TSPEAR: variants seen among roughly 807,000 people sequenced by gnomAD.
The protein encoded by TSPEAR is thrombospondin type laminin G domain and EAR repeats, also known as thrombospondin-type laminin G domain and EAR repeat-containing protein.
Under a neutral mutation model 71.6 loss-of-function variants are expected in TSPEAR, and 69 were observed. The ratio of observed to expected loss-of-function variants is 0.96; its 90% CI spans 0.79 to 1.18. The LOEUF is 1.18. Among genes scored for constraint, TSPEAR ranks in the 50% most tolerant of loss-of-function variants. TSPEAR has a pLI of 0.00. For synonymous variants in TSPEAR, 402 were observed against 387.2 expected, an observed-to-expected ratio of 1.04 and a Z score of -0.45; for missense variants, 971 against 894.9, an observed-to-expected ratio of 1.09 and a Z score of -1.09.
intron 9 of TSPEAR, among the ~76,000 whole-genome samples, chr21:44,511,704 C>G (rs1195836883): frequency 2.0e-5 from 3 of 152,270 alleles, no homozygotes; most frequent in Non-Finnish European, 4.4e-5. Flanking sequence ...AGTGGAGCCC[C>G]TGCTTCTTAG....
intron 1 of TSPEAR, among the ~76,000 whole-genome samples, chr21:44,637,139 C>G (rs587635469): frequency 6.6e-6 from 1 of 152,264 alleles, no homozygotes; most frequent in East Asian, 1.9e-4. Flanking sequence ...CTGGTGTTCC[C>G]GGGAGACAGG....
chr21:44,637,424 G>A (rs782818929), intron 1 of TSPEAR: 9 of 1,603,704 alleles, frequency 5.6e-6, no homozygotes, highest in Middle Eastern at 1.8e-4. Context: ...CAGCATGGCC[G>A]CCTCCACCAT....
At chr21:44,531,904 G>A (rs1601374111) in intron 3 of TSPEAR, among the ~76,000 whole-genome samples, 1 of 152,258 alleles carries the variant, frequency 6.6e-6, no homozygotes, top group East Asian at 1.9e-4. Context: ...CTGGGCGGAA[G>A]AGCAGGGGTG....
chr21:44,606,748 G>A (rs1455977842), intron 1 of TSPEAR, among the ~76,000 whole-genome samples: 1 of 152,210 alleles, frequency 6.6e-6, no homozygotes, highest in Admixed American at 6.5e-5. Flanking sequence ...AGGACATTAT[G>A]CTAAGCGAAA....
intron 1 of TSPEAR, among the ~76,000 whole-genome samples, chr21:44,674,170 C>T (rs587741633): frequency 2.6e-4 from 39 of 150,048 alleles, no homozygotes; most frequent in Non-Finnish European, 4.7e-4. Context: ...TGATGCACCT[C>T]AAGGAACTAG....
At position 44,612,983 on chromosome 21, in the gene TSPEAR, G is replaced by A. The variant is rs1206572648; in HGVS notation, c.83-44978C>T. 5 of 1,515,528 alleles carry A rather than the reference G, an allele frequency of 3.3e-6. No homozygotes were observed. The highest frequency in any genetic ancestry group is 4.5e-6 in the Non-Finnish European group (5 of 1,121,734). The allele number at this position is 1,515,528 out of a possible 1,614,324, so 93.9% of individuals were successfully genotyped here. On this transcript the variant is annotated intron_variant, in intron 1 of 11. Coordinates refer to ENST00000323084, the MANE Select transcript of TSPEAR (RefSeq NM_144991.3). The surrounding 1 kb of genome is among the most constrained non-coding windows in gnomAD (Gnocchi z 4.1). Reference sequence around the variant, plus strand: ...TTAAGTGGCTGCCCCTACCTGGGATGGGGTCTCCATGTCTCCCCTGTGCTG... The same window carrying A: ...TTAAGTGGCTGCCCCTACCTGGGATAGGGTCTCCATGTCTCCCCTGTGCTG...
At chr21:44,662,329 A>G (rs1160573685) in intron 1 of TSPEAR, among the ~76,000 whole-genome samples, 2 of 152,190 alleles carry the variant, frequency 1.3e-5, no homozygotes, top group African/African-American at 4.8e-5. Flanking sequence ...AATCAAGTAA[A>G]ATTGGAATGG....
At chr21:44,705,183 G>C (rs2146335865) in intron 1 of TSPEAR, among the ~76,000 whole-genome samples, 1 of 152,182 alleles carries the variant, frequency 6.6e-6, no homozygotes, top group East Asian at 1.9e-4. Context: ...AAATTGTAAA[G>C]ATTTCATAGA....
chr21:44,695,388 G>A lies in TSPEAR; in HGVS notation c.82+16045C>T, dbSNP rs1408250414. On this transcript the variant is annotated intron_variant, in intron 1 of 11. Transcript: ENST00000323084. The surrounding 1 kb of genome is among the most constrained non-coding windows in gnomAD (Gnocchi z 4.5). Reference sequence around the variant, plus strand: ...ACCTTCTACTGAGAGGTCGGGGGTCGGGTCATGACACACAGCAGGAAATGA... The same window carrying A: ...ACCTTCTACTGAGAGGTCGGGGGTCAGGTCATGACACACAGCAGGAAATGA... Among the ~76,000 whole-genome samples, 5 of 152,034 alleles carry A rather than the reference G, an allele frequency of 3.3e-5. No individual in the cohort carries two copies. The highest frequency in any genetic ancestry group is 1.9e-4 in the East Asian group (1 of 5,188).
chr21:44,612,737 T>A lies in TSPEAR; in HGVS notation c.83-44732A>T. 1 of 1,613,754 alleles carries A rather than the reference T, an allele frequency of 6.2e-7. No individual in the cohort carries two copies. On this transcript the variant is annotated intron_variant, in intron 1 of 11. Transcript: ENST00000323084. This position sits in a 1 kb window ranked among gnomAD's most constrained non-coding sequence, Gnocchi z 4.1. Reference sequence around the variant, plus strand: ...ACCCTCCTCCTCCGTGTCCCTCCTCTGCCGCCCTGTGTGCCGGCCTGCCTG... The same window carrying A: ...ACCCTCCTCCTCCGTGTCCCTCCTCAGCCGCCCTGTGTGCCGGCCTGCCTG...
chr21:44,635,010 A>C (rs1289980155), intron 1 of TSPEAR, among the ~76,000 whole-genome samples: 1 of 152,192 alleles, frequency 6.6e-6, no homozygotes, highest in Non-Finnish European at 1.5e-5. Flanking sequence ...GTATATACCC[A>C]ACAGAATTAA....
At chr21:44,601,852 T>G (rs1419741370) in intron 1 of TSPEAR, 3 of 1,378,546 alleles carry the variant, frequency 2.2e-6, no homozygotes, top group Non-Finnish European at 2.9e-6. Flanking sequence ...ACGTCAGTGG[T>G]CAGCTGGCCA....
intron 1 of TSPEAR, chr21:44,579,979 G>C (rs781883363): frequency 1.9e-6 from 3 of 1,613,438 alleles, no homozygotes; most frequent in Non-Finnish European, 2.5e-6. Flanking sequence ...TAGACTGCTG[G>C]CAGCATGAAG....
At chr21:44,522,229 C>G in intron 8 of TSPEAR, 117 bp from the exon 9 acceptor site, 4 of 875,678 alleles carry the variant, frequency 4.6e-6, no homozygotes, top group Non-Finnish European at 7.4e-6. Context: ...CCCACGAGGA[C>G]AAGGCCAACC....
intron 1 of TSPEAR, chr21:44,647,106 C>A (rs587676741): frequency 1.2e-6 from 2 of 1,613,914 alleles, no homozygotes; most frequent in South Asian, 2.2e-5. Flanking sequence ...CTTCACGCTG[C>A]CAGCAGCCTA....
At chr21:44,662,864 C>T (rs904661288) in intron 1 of TSPEAR, among the ~76,000 whole-genome samples, 1 of 151,780 alleles carries the variant, frequency 6.6e-6, no homozygotes, top group African/African-American at 2.4e-5. Flanking sequence ...TCTAAATAAC[C>T]CATGGTTCAA....
At chr21:44,582,506 T>C (rs949350397) in intron 1 of TSPEAR, among the ~76,000 whole-genome samples, 2 of 152,244 alleles carry the variant, frequency 1.3e-5, no homozygotes, top group Non-Finnish European at 2.9e-5. Context: ...TCGCTATCTC[T>C]GGCAGCCTCC....
intron 2 of TSPEAR, chr21:44,550,773 G>A: frequency 3.7e-6 from 6 of 1,614,240 alleles, no homozygotes; most frequent in Non-Finnish European, 5.1e-6. Flanking sequence ...GGACACAGAG[G>A]AGGAGGGTCT....
Position 44,612,602 on chromosome 21 carries a change from C to A in TSPEAR, c.83-44597G>T, listed in dbSNP as rs781798824. 5 of 1,613,994 alleles carry A rather than the reference C, an allele frequency of 3.1e-6. No homozygotes were observed. Among genetic ancestry groups the A allele is most frequent in the Non-Finnish European group, 4.2e-6 (5 of 1,179,990 alleles). On this transcript the variant is annotated intron_variant, in intron 1 of 11. Transcript: ENST00000323084. The surrounding 1 kb of genome is among the most constrained non-coding windows in gnomAD (Gnocchi z 4.1). ...CCCATGCCAACAGGCCTGCTGTGTG[C>A]CCATCTGCTGCAAGCCCATCTGCTG...
Sources: allele counts gnomAD v4.1 joint callset (sites outside exome capture counted in the v4.1 genomes callset), GRCh38; gene constraint gnomAD v4.1.1; non-coding constraint Gnocchi (gnomAD v3.1); transcripts MANE v1.5; gene names NCBI Gene and HGNC (gene_info 2026-07-23, HGNC 2026-07-21).